ANKRD13B: variants seen among roughly 807,000 people sequenced by gnomAD.
ANKRD13B encodes the protein ankyrin repeat domain 13B, also known as ankyrin repeat domain-containing protein 13B.
In ANKRD13B, 33 loss-of-function variants were observed where a neutral mutation model predicts 74.4. The observed-to-expected ratio is 0.44, with a 90% confidence interval of 0.34 to 0.59. ANKRD13B has a LOEUF of 0.59. Among genes scored for constraint, ANKRD13B ranks in the 20% least tolerant of loss-of-function variants. ANKRD13B has a pLI of 0.02. For synonymous variants in ANKRD13B, 341 were observed against 362.9 expected (o/e 0.94, Z 0.68); for missense variants, 676 against 877.9 (o/e 0.77, Z 2.91).
chr17:29,613,805 C>G lies in ANKRD13B; in HGVS notation c.*223C>G, dbSNP rs953465129. On this transcript the variant is annotated 3_prime_UTR_variant, in exon 15 of 15. Coordinates refer to ENST00000394859, the MANE Select transcript of ANKRD13B (RefSeq NM_152345.5). The stretch of plus-strand genomic sequence containing the variant: ...AGGCAACTGGCACGGCCTGGTCCCC[C>G]TGCTTTGCTGTATTCTGATTCCCCA... 1 of 647,478 alleles carries G rather than the reference C, an allele frequency of 1.5e-6. No homozygotes were observed. Among genetic ancestry groups the G allele is most frequent in the East Asian group, 3.4e-5 (1 of 29,082 alleles). The allele number at this position is 647,478 out of a possible 1,614,324, so 40.1% of individuals were successfully genotyped here. A position where few individuals can be genotyped will look rare whatever the true frequency, so the allele number is the denominator to read the frequency against.
chr17:29,595,081 A>C (rs1224665071), intron 1 of ANKRD13B, among the ~76,000 whole-genome samples: 1 of 152,172 alleles, frequency 6.6e-6, no homozygotes, highest in African/African-American at 2.4e-5. Context: ...GTTTCTCCTC[A>C]GACTGAACTC....
rs566134631 is a variant in ANKRD13B at position 29,613,403 on chromosome 17, C to T, written c.1702C>T (p.Pro568Ser). 3 of 1,504,562 alleles carry T rather than the reference C, an allele frequency of 2.0e-6. No homozygotes were observed. Among genetic ancestry groups the T allele is most frequent in the East Asian group, 2.8e-5 (1 of 35,804 alleles). The allele number at this position is 1,504,562 out of a possible 1,614,324, so 93.2% of individuals were successfully genotyped here. A position where few individuals can be genotyped will look rare whatever the true frequency, so the allele number is the denominator to read the frequency against. The change falls in exon 15 of 15, where the codon CCC (proline) becomes TCC (serine). Residue 568 changes from proline to serine, a missense_variant. Coordinates refer to ENST00000394859, the MANE Select transcript of ANKRD13B (RefSeq NM_152345.5). ...QRQPAPPASV[P>S]SPRPSSGPGS... The stretch of plus-strand genomic sequence containing the variant: ...CCAGCCTGCGCCCCCGGCGTCAGTG[C>T]CCAGCCCTCGGCCCAGCTCAGGGCC...
chr17:29,612,442 C>T lies in ANKRD13B; in HGVS notation c.1299C>T (p.Phe433=), dbSNP rs2034616377. The stretch of plus-strand genomic sequence containing the variant: ...ACATCCTCAACGCCCGCATCACCTT[C>T]GGGAACCTCAACGGCTGCGACGAAC... The part of the protein sequence containing the change: ...IFHILNARIT[F]GNLNGCDEPV... The change falls in exon 12 of 15, where the codon TTC becomes TTT. Residue 433 remains phenylalanine, a synonymous_variant. Transcript: ENST00000394859. The surrounding 1 kb of genome is among the most constrained non-coding windows in gnomAD (Gnocchi z 6.1). 1 of 1,610,170 alleles carries T rather than the reference C, an allele frequency of 6.2e-7. No homozygotes were observed. The highest frequency in any genetic ancestry group is 1.3e-5 in the African/African-American group (1 of 74,978).
intron 1 of ANKRD13B, among the ~76,000 whole-genome samples, chr17:29,594,842 G>A (rs550039193): frequency 6.6e-6 from 1 of 152,340 alleles, no homozygotes; most frequent in South Asian, 2.1e-4. Context: ...CTGAGGAGCT[G>A]TGCAATCGCC....
At chr17:29,613,314 G>A in intron 14 of ANKRD13B, 40 bp from the exon 15 acceptor site, 10 of 1,391,528 alleles carry the variant, frequency 7.2e-6, no homozygotes, top group African/African-American at 1.5e-5. Context: ...CGGTGGGTGG[G>A]TGCGCCCGGG....
At chr17:29,610,313 C>T (rs950490629) in intron 7 of ANKRD13B, among the ~76,000 whole-genome samples, 8 of 152,102 alleles carry the variant, frequency 5.3e-5, no homozygotes, top group Non-Finnish European at 8.8e-5. Flanking sequence ...GAAAGCCTCC[C>T]CTGCTTCTGT....
chr17:29,609,181 G>A lies in ANKRD13B; in HGVS notation c.661G>A (p.Ala221Thr). The A allele has an allele frequency of 2.5e-6, 4 of 1,612,476 alleles. No homozygotes were observed. Among genetic ancestry groups the A allele is most frequent in the Non-Finnish European group, 3.4e-6 (4 of 1,180,026 alleles). ...TGGGCAGGACCGGGAGCTGCTGCTGGCTGCTGCTCAGCCCACTGAGGAACA... is the reference window on the plus strand; with the variant it reads ...TGGGCAGGACCGGGAGCTGCTGCTGACTGCTGCTCAGCCCACTGAGGAACA... ...LAGQDRELLL[A>T]AAQPTEEQVL... The change falls in exon 6 of 15, where the codon GCT becomes ACT. Residue 221 changes from alanine (A) to threonine (T), a missense_variant. This residue lies in a region of ANKRD13B where 328 missense variants were observed against 518.4 expected (regional missense o/e 0.63). Transcript: ENST00000394859. The surrounding 1 kb of genome is among the most constrained non-coding windows in gnomAD (Gnocchi z 4.0).
chr17:29,607,475 G>A (rs1465048702), intron 1 of ANKRD13B, among the ~76,000 whole-genome samples: 1 of 152,244 alleles, frequency 6.6e-6, no homozygotes, highest in Non-Finnish European at 1.5e-5. Context: ...TGGTGGACAG[G>A]AAGGGAGGAA....
chr17:29,595,632 C>T (rs2033926237), intron 1 of ANKRD13B, among the ~76,000 whole-genome samples: 2 of 152,156 alleles, frequency 1.3e-5, no homozygotes, highest in South Asian at 4.1e-4. Context: ...TTCTCTCTCC[C>T]ACCCCTCTGG....
chr17:29,610,665 C>T lies in ANKRD13B; in HGVS notation c.823-20C>T. On this transcript the variant is annotated intron_variant, in intron 7 of 14. Coordinates refer to ENST00000394859, the MANE Select transcript of ANKRD13B (RefSeq NM_152345.5). ...GTAAGACCAGAACTGCTTATGAGCC[C>T]TTTCTTCATCTGTCCCCAGGTGTAT... 3.1e-6 allele frequency: 5 copies of T among 1,612,830 alleles called. No individual in the cohort carries two copies. The highest frequency in any genetic ancestry group is 4.2e-6 in the Non-Finnish European group (5 of 1,179,302).
At position 29,602,579 on chromosome 17, in the gene ANKRD13B, C is replaced by T. The variant is rs78361036; in HGVS notation, c.115-5163C>T. Among the ~76,000 whole-genome samples, 37 of 152,188 alleles carry T rather than the reference C, an allele frequency of 2.4e-4. No homozygotes were observed. In the East Asian group the frequency reaches 6.4e-3, roughly 26 times the overall value. On this transcript the variant is annotated intron_variant, in intron 1 of 14. Coordinates refer to ENST00000394859, the MANE Select transcript of ANKRD13B (RefSeq NM_152345.5). ...GCTGCAGAACTCTAGTCTCTGCCTC[C>T]GTCTTCACATGGCCTTCCCACCTCT... is the stretch of plus-strand genomic sequence containing the variant.
intron 1 of ANKRD13B, among the ~76,000 whole-genome samples, chr17:29,597,291 C>A (rs141839830): frequency 1.3e-5 from 2 of 152,172 alleles, no homozygotes; most frequent in Non-Finnish European, 2.9e-5. Context: ...TGTGCAAATA[C>A]GCACACACAC....
intron 14 of ANKRD13B, 58 bp from the exon 15 acceptor site, chr17:29,613,296 G>T: frequency 7.2e-7 from 1 of 1,385,190 alleles, no homozygotes; most frequent in South Asian, 1.6e-5. Context: ...CCGTGTCCCG[G>T]CCCCGGCCGG....
In ANKRD13B at chr17:29,608,756, C is replaced by G; in HGVS notation, c.422-95C>G. On this transcript the variant is annotated intron_variant, in intron 4 of 14. Transcript: ENST00000394859. This position sits in a 1 kb window ranked among gnomAD's most constrained non-coding sequence, Gnocchi z 6.4. ...TCTCTCTTCAGTTCCCTCCCCTGTTCCTGGCCACACGGATCCCAAACCCCA... is the reference window on the plus strand; with the variant it reads ...TCTCTCTTCAGTTCCCTCCCCTGTTGCTGGCCACACGGATCCCAAACCCCA... 11 of 1,513,114 alleles carry G rather than the reference C, an allele frequency of 7.3e-6. No homozygotes were observed. The highest frequency in any genetic ancestry group is 9.9e-6 in the Non-Finnish European group (11 of 1,114,766). 93.7% of individuals were successfully genotyped at this position (1,513,114 alleles called of 1,614,324 possible).
chr17:29,613,230 G>T (rs1335847741), intron 14 of ANKRD13B, 124 bp from the exon 15 acceptor site: 71 of 1,389,552 alleles, frequency 5.1e-5, no homozygotes, highest in Non-Finnish European at 5.5e-5. Context: ...GGACGCCGCG[G>T]GACTGACCGC....
intron 1 of ANKRD13B, among the ~76,000 whole-genome samples, chr17:29,606,911 G>A (rs537912883): frequency 5.9e-5 from 9 of 151,540 alleles, no homozygotes; most frequent in African/African-American, 9.7e-5. Context: ...TTAGCCAGAC[G>A]TGTTGGCGAA....
At chr17:29,602,377 A>C (rs2034212556) in intron 1 of ANKRD13B, among the ~76,000 whole-genome samples, 1 of 146,118 alleles carries the variant, frequency 6.8e-6, no homozygotes, top group Non-Finnish European at 1.5e-5. Context: ...CCTGGGCGAC[A>C]GAGTGAGATT....
chr17:29,593,289 C>T lies in ANKRD13B; in HGVS notation c.-333C>T, dbSNP rs1270770395. On this transcript the variant is annotated 5_prime_UTR_variant, in exon 1 of 15. Coordinates refer to ENST00000394859, the MANE Select transcript of ANKRD13B (RefSeq NM_152345.5). ...CGTGCGCCCCCGCGCCCGCTGCGGG[C>T]GCCTGCTCCCTCCGCCGAGCGGCGT... 2.0e-5 allele frequency among the ~76,000 whole-genome samples: 3 copies of T among 148,428 alleles called. No homozygotes were observed. Among genetic ancestry groups the T allele is most frequent in the African/African-American group, 2.4e-5 (1 of 41,000 alleles).
At chr17:29,593,925 A>C in intron 1 of ANKRD13B, 190 bp downstream of exon 1, 2 of 196,404 alleles carry the variant, frequency 1.0e-5, no homozygotes, top group Non-Finnish European at 1.9e-5. Context: ...GCGGGACCAC[A>C]CGTGTTTCGG....
Sources: gnomAD v4.1 joint callset for allele counts (sites outside exome capture counted in the v4.1 genomes callset) on GRCh38, gnomAD v4.1.1 for gene constraint, gnomAD v4.1.1 regional missense constraint, Gnocchi (gnomAD v3.1) non-coding constraint, MANE v1.5 for transcripts, NCBI Gene and HGNC (gene_info 2026-07-23, HGNC 2026-07-21) for gene names.